The following MYO5B variants were observed in gnomAD, a reference collection of about 807,000 sequenced individuals.
MYO5B encodes the protein myosin VB.
MYO5B carries 143 observed loss-of-function variants against 229.3 expected under a neutral mutation model. The ratio of observed to expected loss-of-function variants is 0.62; its 90% CI spans 0.54 to 0.72. The LOEUF (loss-of-function observed/expected upper bound fraction) is 0.72, where lower values mean the gene tolerates loss of function less well. Ranked by LOEUF, MYO5B falls within the 30% of genes least tolerant of loss-of-function variation. MYO5B has a pLI of 0.00. For synonymous variants in MYO5B, 918 were observed against 885.2 expected, an observed-to-expected ratio of 1.04 and a Z score of -0.66; for missense variants, 2,321 against 2,331.0, an observed-to-expected ratio of 1.00 and a Z score of 0.09.
chr18:50,097,454 G>T, intron 1 of MYO5B: 1 of 339,622 alleles, frequency 2.9e-6, no homozygotes, highest in Non-Finnish European at 5.9e-6. Flanking sequence ...ACATAAAATG[G>T]CTTTGAACTC....
chr18:50,091,943 G>A (rs1599014556), intron 1 of MYO5B, among the ~76,000 whole-genome samples: 1 of 152,270 alleles, frequency 6.6e-6, no homozygotes, highest in East Asian at 1.9e-4. Flanking sequence ...TGAGAAACAG[G>A]GACAAATGTG....
rs8090548 is a variant in MYO5B, at chr18:49,916,923, A to G, written c.2091-4750T>C. 3.3e-3 allele frequency among the ~76,000 whole-genome samples: 503 copies of G among 152,328 alleles called. 5 individuals are homozygous for G. Among genetic ancestry groups the G allele is most frequent in the African/African-American group, 0.01 (433 of 41,572 alleles). On this transcript the variant is annotated intron_variant, in intron 17 of 39. Transcript: ENST00000285039. ...AAAGTGAAGCTCAAGAGAATTTGTG[A>G]TTCTTTTTCCAAAAATAGAACTTTT...
At chr18:49,879,807 T>A (rs1399480185) in intron 23 of MYO5B, among the ~76,000 whole-genome samples, 1 of 152,176 alleles carries the variant, frequency 6.6e-6, no homozygotes, top group Admixed American at 6.5e-5. Flanking sequence ...CAGGAGCTGG[T>A]GGGCACTTGA....
In MYO5B at chr18:49,953,772, A is replaced by G. The variant is rs538685275; in HGVS notation, c.1669-429T>C. Reference sequence around the variant, plus strand: ...CTACTGAGAAAGCAGCCCCCTGAAGAGCAGCTACACAGGCTCCAGGTAAGA... The same window carrying G: ...CTACTGAGAAAGCAGCCCCCTGAAGGGCAGCTACACAGGCTCCAGGTAAGA... On this transcript the variant is annotated intron_variant, in intron 13 of 39. Transcript: ENST00000285039. 7.2e-5 allele frequency among the ~76,000 whole-genome samples: 11 copies of G among 152,292 alleles called. 1 individual carries two copies. The East Asian group carries it at 2.1e-3, about 29-fold the overall frequency.
chr18:49,897,697 T>C (rs950985855), intron 21 of MYO5B, among the ~76,000 whole-genome samples: 3 of 152,172 alleles, frequency 2.0e-5, no homozygotes, highest in Non-Finnish European at 2.9e-5. Flanking sequence ...AAAGTATTAT[T>C]TATAAAGTAA....
At chr18:49,856,614 CCAAA>C (rs1404048471) in intron 30 of MYO5B, among the ~76,000 whole-genome samples, 195 bp downstream of exon 30, 3 of 152,308 alleles carry the variant, frequency 2.0e-5, no homozygotes, top group African/African-American at 4.8e-5. Flanking sequence ...TCACCTTGAC[CCAAA>C]CAACCAGCCA....
intron 18 of MYO5B, among the ~76,000 whole-genome samples, chr18:49,908,127 A>C (rs563541815): frequency 6.6e-6 from 1 of 152,170 alleles, no homozygotes; most frequent in Non-Finnish European, 1.5e-5. Context: ...CAACAACAGT[A>C]CCTGCGCTTC....
intron 4 of MYO5B, among the ~76,000 whole-genome samples, chr18:50,024,362 C>G (rs2026308646): frequency 2.8e-5 from 1 of 35,992 alleles, no homozygotes; most frequent in African/African-American, 6.5e-5. Context: ...CAGAGAAGTC[C>G]TGGGTGCTGG....
chr18:49,863,468 C>A, intron 28 of MYO5B, 141 bp from the exon 29 acceptor site: 1 of 742,380 alleles, frequency 1.3e-6, no homozygotes, highest in South Asian at 1.5e-5. Context: ...CAAACCCACG[C>A]CAGGAACATG....
At chr18:50,146,147 T>G (rs921282355) in intron 1 of MYO5B, among the ~76,000 whole-genome samples, 1 of 152,214 alleles carries the variant, frequency 6.6e-6, no homozygotes, top group African/African-American at 2.4e-5. Context: ...CTGCCTTCAC[T>G]CAGTCTAACC....
intron 1 of MYO5B, among the ~76,000 whole-genome samples, chr18:50,158,921 C>A (rs979291182): frequency 6.6e-6 from 1 of 152,166 alleles, no homozygotes; most frequent in African/African-American, 2.4e-5. Context: ...CATGAATCTA[C>A]GCCTGTGCTA....
rs148664377 is a variant in MYO5B at position 49,875,510 on chromosome 18, G to A, written c.3537+177C>T. Among the ~76,000 whole-genome samples the A allele has an allele frequency of 4.1e-3, 622 of 152,242 alleles. 6 individuals are homozygous for A. Among genetic ancestry groups the A allele is most frequent in the African/African-American group, 0.013 (545 of 41,538 alleles). On this transcript the variant is annotated intron_variant, in intron 26 of 39. Transcript: ENST00000285039. ...GGAGCTTACTCCTGTTCAGCTGGGC[G>A]GTGTAGGGGCACTCAGAGAAGACTC...
intron 39 of MYO5B, among the ~76,000 whole-genome samples, chr18:49,831,297 G>A (rs545853751): frequency 6.6e-6 from 1 of 152,222 alleles, no homozygotes; most frequent in East Asian, 1.9e-4. Context: ...TAAAACTCCT[G>A]CATCAAAGGA....
intron 10 of MYO5B, among the ~76,000 whole-genome samples, chr18:49,971,342 G>A (rs922993993): frequency 6.6e-6 from 1 of 152,206 alleles, no homozygotes; most frequent in African/African-American, 2.4e-5. Context: ...GGCAGGTTTG[G>A]TGGGTTTCTG....
chr18:49,826,394 T>A lies in MYO5B; in HGVS notation c.*77A>T. On this transcript the variant is annotated 3_prime_UTR_variant, in exon 40 of 40. Coordinates refer to ENST00000285039, the MANE Select transcript of MYO5B (RefSeq NM_001080467.3). ...ATCTACTTTTACCAGATTTAACAGATCCTTGAATTTACTTTACTGTATATA... is the reference window on the plus strand; with the variant it reads ...ATCTACTTTTACCAGATTTAACAGAACCTTGAATTTACTTTACTGTATATA... 1 of 1,545,212 alleles carries A rather than the reference T, an allele frequency of 6.5e-7. No individual in the cohort carries two copies. The highest frequency in any genetic ancestry group is 8.9e-7 in the Non-Finnish European group (1 of 1,127,524).
chr18:50,191,394 C>A (rs1350107998), intron 1 of MYO5B, among the ~76,000 whole-genome samples: 2 of 152,128 alleles, frequency 1.3e-5, no homozygotes, highest in South Asian at 2.1e-4. Context: ...CCCCTCACAC[C>A]AATGAAGCTA....
chr18:49,937,782 T>C (rs1230987876), intron 14 of MYO5B, among the ~76,000 whole-genome samples: 2 of 147,446 alleles, frequency 1.4e-5, no homozygotes, highest in East Asian at 4.0e-4. Flanking sequence ...ATCCAGGGAA[T>C]AGAAAGTAGG....
At chr18:49,937,526 A>C in intron 14 of MYO5B, 129 bp from the exon 15 acceptor site, 2 of 1,080,460 alleles carry the variant, frequency 1.9e-6, no homozygotes, top group Non-Finnish European at 2.7e-6. Flanking sequence ...CCACACACCA[A>C]CCTGCACAGC....
intron 5 of MYO5B, among the ~76,000 whole-genome samples, chr18:50,000,800 C>A (rs984991465): frequency 6.6e-6 from 1 of 152,116 alleles, no homozygotes; most frequent in Non-Finnish European, 1.5e-5. Context: ...TTTACCTCCC[C>A]GCTAAAAAGA....
Sources: gnomAD v4.1 joint callset for allele counts (sites outside exome capture counted in the v4.1 genomes callset) on GRCh38, gnomAD v4.1.1 for gene constraint, MANE v1.5 for transcripts, NCBI Gene and HGNC (gene_info 2026-07-23, HGNC 2026-07-21) for gene names.